SLC22A23: variants seen among roughly 807,000 people sequenced by gnomAD.
SLC22A23 encodes the protein solute carrier family 22 member 23, also known as ion transporter protein.
A neutral mutation model predicts 61.0 loss-of-function variants in SLC22A23; 26 were observed. The ratio of observed to expected loss-of-function variants is 0.43; its 90% CI spans 0.31 to 0.59. SLC22A23 has a LOEUF of 0.59. Among genes scored for constraint, SLC22A23 ranks in the 20% least tolerant of loss-of-function variants. The pLI, the probability that SLC22A23 is intolerant of heterozygous loss-of-function variation, is 0.11. For missense variants in SLC22A23, 796 were observed against 934.7 expected, an observed-to-expected ratio of 0.85 and a Z score of 1.94; for synonymous variants, 430 against 413.9, an observed-to-expected ratio of 1.04 and a Z score of -0.47.
rs1030181761 is a variant in SLC22A23 at position 3,387,969 on chromosome 6, ACAAGTCCCCTC to A, written c.913+22208_913+22218del. 3.3e-5 allele frequency among the ~76,000 whole-genome samples: 5 copies of A among 152,188 alleles called. No homozygotes were observed. The highest frequency in any genetic ancestry group is 1.2e-4 in the African/African-American group (5 of 41,446). On this transcript the variant is annotated intron_variant, in intron 3 of 9. Coordinates refer to ENST00000406686, the MANE Select transcript of SLC22A23 (RefSeq NM_015482.2). The surrounding 1 kb of genome is among the most constrained non-coding windows in gnomAD (Gnocchi z 5.0). Reference sequence around the variant, plus strand: ...TCCTGCTGCCTGAAAGAGAAGCCCAACAAGTCCCCTCTGGCAAGTGCAATTTTTCCCACCAG... The same window carrying A: ...TCCTGCTGCCTGAAAGAGAAGCCCAATGGCAAGTGCAATTTTTCCCACCAG...
At chr6:3,279,599 CT>C (rs566369731) in intron 9 of SLC22A23, among the ~76,000 whole-genome samples, 56 of 140,104 alleles carry the variant, frequency 4.0e-4, no homozygotes, top group African/African-American at 1.4e-3. Flanking sequence ...CCATTTTTGG[CT>C]TTGTTTTTTT....
chr6:3,455,798 C>T (rs1429090369), intron 1 of SLC22A23, 108 bp downstream of exon 1: 6 of 1,336,610 alleles, frequency 4.5e-6, no homozygotes, highest in Non-Finnish European at 6.0e-6. Flanking sequence ...ATGCCCTACA[C>T]ACACTCTAGC....
Position 3,330,675 on chromosome 6 carries a change from T to C in SLC22A23, c.914-6673A>G, listed in dbSNP as rs1247883518. On this transcript the variant is annotated intron_variant, in intron 3 of 9. Transcript: ENST00000406686. The surrounding 1 kb of genome is among the most constrained non-coding windows in gnomAD (Gnocchi z 4.7). ...AAATTGCCAGTCATGGAGACCCAAA[T>C]AGCATTTGAGGGTATTCCTGTAAAA... is the stretch of plus-strand genomic sequence containing the variant. 6.6e-6 allele frequency among the ~76,000 whole-genome samples: 1 copy of C among 152,198 alleles called. No individual in the cohort carries two copies. Among genetic ancestry groups the C allele is most frequent in the Non-Finnish European group, 1.5e-5 (1 of 68,042 alleles).
chr6:3,295,153 C>T (rs1252813109), intron 5 of SLC22A23, among the ~76,000 whole-genome samples: 1 of 152,242 alleles, frequency 6.6e-6, no homozygotes, highest in African/African-American at 2.4e-5. Flanking sequence ...CCTTGCCTGG[C>T]CTTGCCGCTC....
chr6:3,271,464 A>G lies in SLC22A23; in HGVS notation c.*1591T>C, dbSNP rs896840125. 1.3e-5 allele frequency: 2 copies of G among 152,452 alleles called. No homozygotes were observed. Among genetic ancestry groups the G allele is most frequent in the Non-Finnish European group, 2.9e-5 (2 of 68,096 alleles). 9.4% of individuals were successfully genotyped at this position (152,452 alleles called of 1,614,324 possible). A position where few individuals can be genotyped will look rare whatever the true frequency, so the allele number is the denominator to read the frequency against. ...GACAGCAAGCAGCAGGCCGGGTGGA[A>G]AGCCAGAAGGGGAGAAGGTCAACCC... On this transcript the variant is annotated 3_prime_UTR_variant, in exon 10 of 10. Coordinates refer to ENST00000406686, the MANE Select transcript of SLC22A23 (RefSeq NM_015482.2).
rs529550099 is a variant in SLC22A23, at chr6:3,456,371, G to A, written c.189C>T (p.His63=). ...LPPLHPGGGP[H]PSCCSAAAAP... ...CCGCAGCCGCGGAGCAGCAGCTCGG[G>A]TGCGGGCCGCCTCCAGGATGCAGTG... Residue 63 remains histidine (H), a synonymous_variant, in exon 1 of 10, where the codon CAC becomes CAT. Coordinates refer to ENST00000406686, the MANE Select transcript of SLC22A23 (RefSeq NM_015482.2). The surrounding 1 kb of genome is among the most constrained non-coding windows in gnomAD (Gnocchi z 7.1). 8 of 1,542,368 alleles carry A rather than the reference G, an allele frequency of 5.2e-6. No homozygotes were observed. In the South Asian group the frequency reaches 7.2e-5, roughly 14 times the overall value.
At chr6:3,409,748 A>C (rs2127512505) in intron 3 of SLC22A23, among the ~76,000 whole-genome samples, 1 of 152,362 alleles carries the variant, frequency 6.6e-6, no homozygotes, top group South Asian at 2.1e-4. Flanking sequence ...TTACTTTTCC[A>C]GTACCAATGC....
intron 3 of SLC22A23, among the ~76,000 whole-genome samples, chr6:3,401,971 G>A (rs1768423161): frequency 6.6e-6 from 1 of 152,156 alleles, no homozygotes; most frequent in Non-Finnish European, 1.5e-5. Flanking sequence ...GGGAGTGGTC[G>A]GTAGCTTCAG....
chr6:3,445,198 C>T (rs1041795509), intron 1 of SLC22A23, among the ~76,000 whole-genome samples: 1 of 151,928 alleles, frequency 6.6e-6, no homozygotes, highest in Non-Finnish European at 1.5e-5. Flanking sequence ...ACTCTTGCCC[C>T]CCTTTATTTT....
chr6:3,389,405 G>A (rs1288390709), intron 3 of SLC22A23, among the ~76,000 whole-genome samples: 1 of 152,038 alleles, frequency 6.6e-6, no homozygotes, highest in Non-Finnish European at 1.5e-5. Flanking sequence ...TAAATGTTAT[G>A]GGATATGTTT....
In SLC22A23 at chr6:3,329,190, C is replaced by T. The variant is rs1323875373; in HGVS notation, c.914-5188G>A. On this transcript the variant is annotated intron_variant, in intron 3 of 9. Coordinates refer to ENST00000406686, the MANE Select transcript of SLC22A23 (RefSeq NM_015482.2). The surrounding 1 kb of genome is among the most constrained non-coding windows in gnomAD (Gnocchi z 4.8). ...CCCTCATCCCCCACAAACACACACA[C>T]CGATCTAACTGTTCATTGGATTCAG... 6.6e-6 allele frequency among the ~76,000 whole-genome samples: 1 copy of T among 152,088 alleles called. No individual in the cohort carries two copies. Among genetic ancestry groups the T allele is most frequent in the Non-Finnish European group, 1.5e-5 (1 of 68,028 alleles).
At chr6:3,439,366 T>C (rs1298725763) in intron 1 of SLC22A23, 5 of 447,280 alleles carry the variant, frequency 1.1e-5, no homozygotes, top group Non-Finnish European at 2.2e-5. Flanking sequence ...TTTCTGAAAG[T>C]TCCCCAGGGT....
chr6:3,290,132 C>T (rs1021715779), intron 5 of SLC22A23: 6 of 526,230 alleles, frequency 1.1e-5, no homozygotes, highest in Non-Finnish European at 2.1e-5. Flanking sequence ...CCATCACAAA[C>T]CCTTGTTTTG....
chr6:3,332,052 T>C lies in SLC22A23; in HGVS notation c.914-8050A>G, dbSNP rs557023531. 2.6e-5 allele frequency among the ~76,000 whole-genome samples: 4 copies of C among 152,352 alleles called. No homozygotes were observed. The South Asian group carries it at 8.3e-4, about 32-fold the overall frequency. On this transcript the variant is annotated intron_variant, in intron 3 of 9. Transcript: ENST00000406686. ...GTGAGTGACCATGTTTGTAGAATTATATCACGCTTTTGAGCAAATGGAGCC... is the reference window on the plus strand; with the variant it reads ...GTGAGTGACCATGTTTGTAGAATTACATCACGCTTTTGAGCAAATGGAGCC...
At chr6:3,439,071 G>A (rs578115982) in intron 1 of SLC22A23, among the ~76,000 whole-genome samples, 12 of 147,826 alleles carry the variant, frequency 8.1e-5, no homozygotes, top group Middle Eastern at 6.8e-3. Flanking sequence ...ATTTGGGGCC[G>A]GATCTGACCG....
chr6:3,297,389 A>G lies in SLC22A23; in HGVS notation c.1210+702T>C, dbSNP rs779213923. Among the ~76,000 whole-genome samples the G allele has an allele frequency of 6.6e-6, 1 of 152,176 alleles. No homozygotes were observed. Among genetic ancestry groups the G allele is most frequent in the Non-Finnish European group, 1.5e-5 (1 of 68,036 alleles). On this transcript the variant is annotated intron_variant, in intron 5 of 9. Coordinates refer to ENST00000406686, the MANE Select transcript of SLC22A23 (RefSeq NM_015482.2). The surrounding 1 kb of genome is among the most constrained non-coding windows in gnomAD (Gnocchi z 4.3). The stretch of plus-strand genomic sequence containing the variant: ...GGGCCGAGACCACCAGTGATCTTCA[A>G]ACGGAAATCTGTATACCACTTGCAT...
At chr6:3,367,409 T>C (rs1765905156) in intron 3 of SLC22A23, among the ~76,000 whole-genome samples, 1 of 152,248 alleles carries the variant, frequency 6.6e-6, no homozygotes, top group Non-Finnish European at 1.5e-5. Flanking sequence ...GCCATCATCT[T>C]GGGCGTTAGC....
chr6:3,369,122 T>C (rs1404470438), intron 3 of SLC22A23, among the ~76,000 whole-genome samples: 1 of 152,160 alleles, frequency 6.6e-6, no homozygotes, highest in African/African-American at 2.4e-5. Context: ...AGCTGATAAT[T>C]CCTCTAGTCT....
intron 3 of SLC22A23, among the ~76,000 whole-genome samples, chr6:3,335,973 C>T (rs1763831932): frequency 6.6e-6 from 1 of 151,968 alleles, no homozygotes; most frequent in African/African-American, 2.4e-5. Context: ...CCTGTAGTCC[C>T]AGTTACTCGG....
Sources: gnomAD v4.1 joint callset for allele counts (sites outside exome capture counted in the v4.1 genomes callset) on GRCh38, gnomAD v4.1.1 for gene constraint, Gnocchi (gnomAD v3.1) non-coding constraint, MANE v1.5 for transcripts, NCBI Gene and HGNC (gene_info 2026-07-23, HGNC 2026-07-21) for gene names.